The following CSMD1 variants were observed in gnomAD, a reference collection of about 807,000 sequenced individuals.
The protein encoded by CSMD1 is CUB and Sushi multiple domains 1, also known as CUB and sushi domain-containing protein 1.
A neutral mutation model predicts 417.5 loss-of-function variants in CSMD1; 213 were observed. The observed-to-expected ratio is 0.51, with a 90% CI of 0.46 to 0.57. The LOEUF (loss-of-function observed/expected upper bound fraction) is 0.57, where lower values mean the gene tolerates loss of function less well. Ranked by LOEUF, CSMD1 falls within the 20% of genes least tolerant of loss-of-function variation. The pLI is 0.00. For missense variants in CSMD1, 6,923 were observed against 4,529.7 expected, an observed-to-expected ratio of 1.53 and a Z score of -15.17; for synonymous variants, 2,862 against 1,736.8, an observed-to-expected ratio of 1.65 and a Z score of -16.11.
At chr8:3,095,436 T>C (rs976255425) in intron 47 of CSMD1, among the ~76,000 whole-genome samples, 1 of 152,172 alleles carries the variant, frequency 6.6e-6, no homozygotes, top group African/African-American at 2.4e-5. Flanking sequence ...TGTATGTTTG[T>C]TTTAATATAC....
chr8:3,838,214 A>G (rs7008525), intron 5 of CSMD1, among the ~76,000 whole-genome samples: 118,849 of 151,770 alleles, frequency 0.78, 46,638 homozygotes, highest in African/African-American at 0.83. Context: ...GATAACTATG[A>G]CAGAAATATA....
chr8:4,597,579 A>C (rs1354842696), intron 2 of CSMD1, among the ~76,000 whole-genome samples: 5 of 152,240 alleles, frequency 3.3e-5, no homozygotes, highest in African/African-American at 9.6e-5. Context: ...GCAACAAAAA[A>C]AGAAATAAAA....
intron 7 of CSMD1, among the ~76,000 whole-genome samples, chr8:3,628,665 C>A (rs747545585): frequency 6.6e-6 from 1 of 152,066 alleles, no homozygotes; most frequent in Admixed American, 6.5e-5. Flanking sequence ...GGCATCCTCA[C>A]AGGCGCCCCG....
intron 1 of CSMD1, among the ~76,000 whole-genome samples, chr8:4,724,548 G>GTC (rs1809289137): frequency 6.6e-6 from 1 of 150,924 alleles, no homozygotes; most frequent in African/African-American, 2.5e-5. Flanking sequence ...GTGTGTGTGT[G>GTC]TGTGTGTGTG....
chr8:3,251,197 G>T (rs1159348236), intron 26 of CSMD1, among the ~76,000 whole-genome samples: 2 of 152,062 alleles, frequency 1.3e-5, no homozygotes, highest in African/African-American at 2.4e-5. Context: ...ATGGTTTTAG[G>T]TCTAACATTT....
intron 23 of CSMD1, among the ~76,000 whole-genome samples, chr8:3,327,477 A>C: frequency 6.6e-6 from 1 of 152,198 alleles, no homozygotes; most frequent in East Asian, 1.9e-4. Context: ...TGAGTTTACA[A>C]GTTAATTTTC....
At chr8:2,973,385 T>G in intron 56 of CSMD1, 86 bp from the exon 57 acceptor site, 1 of 1,328,906 alleles carries the variant, frequency 7.5e-7, no homozygotes, top group South Asian at 1.4e-5. Context: ...TAATGAAAAG[T>G]TGTTGAAATT....
intron 11 of CSMD1, among the ~76,000 whole-genome samples, chr8:3,472,839 T>C (rs1817182884): frequency 6.6e-6 from 1 of 152,110 alleles, no homozygotes; most frequent in Non-Finnish European, 1.5e-5. Flanking sequence ...TAAGTTTTTT[T>C]TTTATTCTTT....
intron 3 of CSMD1, among the ~76,000 whole-genome samples, chr8:4,362,953 G>A (rs1306450290): frequency 6.6e-6 from 1 of 152,126 alleles, no homozygotes; most frequent in Non-Finnish European, 1.5e-5. Context: ...TGTAATTTAA[G>A]CCAAATATCT....
chr8:4,567,138 A>G (rs1040748317), intron 2 of CSMD1, among the ~76,000 whole-genome samples: 1 of 152,162 alleles, frequency 6.6e-6, no homozygotes, highest in Non-Finnish European at 1.5e-5. Flanking sequence ...TCACAGCCCT[A>G]CTCAGAGTAT....
intron 2 of CSMD1, among the ~76,000 whole-genome samples, chr8:4,631,543 AG>A (rs958321047): frequency 7.2e-5 from 11 of 152,090 alleles, no homozygotes; most frequent in African/African-American, 2.7e-4. Context: ...CCCTTTCTTT[AG>A]CCCTCATATG....
In CSMD1 at chr8:3,399,444, A is replaced by G; in HGVS notation, c.2352T>C (p.Cys784=). The G allele has an allele frequency of 6.2e-7, 1 of 1,610,278 alleles. No homozygotes were observed. Among genetic ancestry groups the G allele is most frequent in the Non-Finnish European group, 8.5e-7 (1 of 1,178,306 alleles). Residue 784 remains cysteine, a synonymous_variant, in exon 16 of 70, where the codon TGT becomes TGC. Transcript: ENST00000635120. ...WPGYYKDSLH[C]EWIIEAKPGH... ...CTGGTTTTGCTTCAATTATCCATTC[A>G]CAATGTAAAGAATCCTTATAATATC... is the stretch of plus-strand genomic sequence containing the variant.
chr8:4,243,695 C>T (rs1458704394), intron 3 of CSMD1, among the ~76,000 whole-genome samples: 1 of 152,070 alleles, frequency 6.6e-6, no homozygotes, highest in African/African-American at 2.4e-5. Flanking sequence ...AAATTTCCAT[C>T]TCATGGTATC....
intron 2 of CSMD1, among the ~76,000 whole-genome samples, chr8:4,487,955 C>A (rs1325222304): frequency 1.3e-5 from 2 of 152,134 alleles, no homozygotes; most frequent in Non-Finnish European, 2.9e-5. Context: ...ATGTTTGCGT[C>A]CCTCCGAAAT....
chr8:3,981,086 A>C (rs796595215), intron 5 of CSMD1, among the ~76,000 whole-genome samples: 12 of 152,306 alleles, frequency 7.9e-5, no homozygotes, highest in African/African-American at 2.6e-4. Context: ...CCTTCCAAGG[A>C]CTTGCTATTT....
chr8:3,475,239 C>T (rs1817339117), intron 11 of CSMD1, among the ~76,000 whole-genome samples: 1 of 152,184 alleles, frequency 6.6e-6, no homozygotes, highest in Non-Finnish European at 1.5e-5. Context: ...AATTCAGTTT[C>T]ACAGAAAACT....
intron 26 of CSMD1, among the ~76,000 whole-genome samples, chr8:3,234,388 C>A (rs953874454): frequency 6.6e-6 from 1 of 152,108 alleles, no homozygotes; most frequent in Non-Finnish European, 1.5e-5. Context: ...AAACACTGGC[C>A]ATGATTTCTG....
intron 2 of CSMD1, among the ~76,000 whole-genome samples, chr8:4,607,628 C>A (rs1445975021): frequency 6.6e-6 from 1 of 151,804 alleles, no homozygotes; most frequent in Non-Finnish European, 1.5e-5. Flanking sequence ...CTGGCGCCAG[C>A]CATTTTTTGG....
At chr8:3,737,529 G>A (rs185676017) in intron 6 of CSMD1, among the ~76,000 whole-genome samples, 1 of 152,096 alleles carries the variant, frequency 6.6e-6, no homozygotes, top group Non-Finnish European at 1.5e-5. Flanking sequence ...CACTGTTACT[G>A]GTTTCTTTTT....
Sources: gnomAD v4.1 joint callset for allele counts (sites outside exome capture counted in the v4.1 genomes callset) on GRCh38, gnomAD v4.1.1 for gene constraint, MANE v1.5 for transcripts, NCBI Gene and HGNC (gene_info 2026-07-23, HGNC 2026-07-21) for gene names.